The following MOK variants were observed in gnomAD, a reference collection of about 807,000 sequenced individuals.
MOK encodes the protein MOK protein kinase.
MOK carries 59 observed loss-of-function variants against 54.2 expected under a neutral mutation model. The ratio of observed to expected loss-of-function variants is 1.09; its 90% CI spans 0.88 to 1.35. The LOEUF (loss-of-function observed/expected upper bound fraction) is 1.35, where lower values mean the gene tolerates loss of function less well. Among genes scored for constraint, MOK ranks in the 40% most tolerant of loss-of-function variants. The pLI is 0.00. For synonymous variants in MOK, 210 were observed against 202.7 expected, an observed-to-expected ratio of 1.04 and a Z score of -0.31; for missense variants, 517 against 526.2, an observed-to-expected ratio of 0.98 and a Z score of 0.17.
chr14:102,276,840 T>C (rs907542440), intron 2 of MOK, among the ~76,000 whole-genome samples: 3 of 150,714 alleles, frequency 2.0e-5, no homozygotes, highest in Non-Finnish European at 3.0e-5. Flanking sequence ...ACCAGTAGAA[T>C]TTCTGTATTT....
intron 1 of MOK, among the ~76,000 whole-genome samples, chr14:102,288,143 A>T (rs1385275785): frequency 6.6e-6 from 1 of 152,172 alleles, no homozygotes; most frequent in African/African-American, 2.4e-5. Context: ...CTGAGATGTT[A>T]AACAGAGTTA....
chr14:102,281,584 G>A (rs1009967970), intron 2 of MOK, among the ~76,000 whole-genome samples: 1 of 146,746 alleles, frequency 6.8e-6, no homozygotes, highest in Non-Finnish European at 1.5e-5. Flanking sequence ...AAAGGTGGCT[G>A]TTTAAGGAAG....
chr14:102,231,990 A>G lies in MOK; in HGVS notation c.867-169T>C, dbSNP rs918121923. On this transcript the variant is annotated intron_variant, in intron 9 of 11. Transcript: ENST00000361847. The surrounding 1 kb of genome is among the most constrained non-coding windows in gnomAD (Gnocchi z 4.4). Reference sequence around the variant, plus strand: ...TTTTTTTCTTTTCTGTCTCAGCCTGACAGTCTCTGGGCCAGGAACAGAGCT... The same window carrying G: ...TTTTTTTCTTTTCTGTCTCAGCCTGGCAGTCTCTGGGCCAGGAACAGAGCT... 9.1e-6 allele frequency: 5 copies of G among 550,422 alleles called. No homozygotes were observed. In the South Asian group the frequency reaches 1.0e-4, roughly 11 times the overall value. 34.1% of individuals were successfully genotyped at this position (550,422 alleles called of 1,614,324 possible).
chr14:102,222,237 G>T (rs2063977551), downstream of MOK, among the ~76,000 whole-genome samples: 1 of 152,158 alleles, frequency 6.6e-6, no homozygotes, highest in African/African-American at 2.4e-5. This position sits in a 1 kb window ranked among gnomAD's most constrained non-coding sequence, Gnocchi z 4.4. Flanking sequence ...ACTTTGTTCT[G>T]GGGCTCCCCC....
At chr14:102,273,137 T>C (rs961327703) in intron 2 of MOK, among the ~76,000 whole-genome samples, 2 of 151,696 alleles carry the variant, frequency 1.3e-5, no homozygotes, top group African/African-American at 2.4e-5. Flanking sequence ...GCCACTGCAC[T>C]CCAGCATGGG....
In MOK at chr14:102,265,901, A is replaced by G. The variant is rs2067867403; in HGVS notation, c.134T>C (p.Val45Ala). 1 of 1,613,538 alleles carries G rather than the reference A, an allele frequency of 6.2e-7. No individual in the cohort carries two copies. The highest frequency in any genetic ancestry group is 1.7e-5 in the Admixed American group (1 of 60,008). The part of the protein sequence containing the change: ...MKQRFESIEQ[V>A]NNLREIQALR... The stretch of plus-strand genomic sequence containing the variant: ...TGCTTGGATCTCTCGTAGGTTGTTG[A>G]CTTGCTCAATACTATCGTGTAGGTA... Residue 45 changes from valine to alanine, a missense_variant, in exon 3 of 12, where the codon GTC (valine) becomes GCC (alanine). Physicochemically the swap from Val to Ala is moderately conservative, Grantham distance 64 (BLOSUM62 0). Coordinates refer to ENST00000361847, the MANE Select transcript of MOK (RefSeq NM_014226.3).
At chr14:102,252,982 A>C (rs2066647146) in intron 4 of MOK, among the ~76,000 whole-genome samples, 1 of 152,226 alleles carries the variant, frequency 6.6e-6, no homozygotes, top group African/African-American at 2.4e-5. Context: ...AACATGGTGG[A>C]GACACCGCAA....
At chr14:102,279,284 C>CGTTGTTGTTGTTGTTGTT (rs71116892) in intron 2 of MOK, among the ~76,000 whole-genome samples, 9 of 150,918 alleles carry the variant, frequency 6.0e-5, no homozygotes, top group African/African-American at 2.0e-4. Context: ...GCAAGAGAAC[C>CGTTGTTGTTGTTGTTGTT]GTTGTTGTTG....
At chr14:102,222,894 G>A (rs1205204169), downstream of MOK, 1 of 1,614,010 alleles carries the variant, frequency 6.2e-7, no homozygotes, top group Non-Finnish European at 8.5e-7. This position sits in a 1 kb window ranked among gnomAD's most constrained non-coding sequence, Gnocchi z 4.4. Context: ...CGACCTCACT[G>A]CTGCGCGCAC....
chr14:102,266,552 T>C (rs891781417), intron 2 of MOK, among the ~76,000 whole-genome samples: 5 of 152,004 alleles, frequency 3.3e-5, no homozygotes, highest in Non-Finnish European at 5.9e-5. Flanking sequence ...GCCCGGCCTC[T>C]TTCTTATCTT....
chr14:102,247,784 G>A (rs369997567), intron 7 of MOK, among the ~76,000 whole-genome samples: 15 of 152,204 alleles, frequency 9.9e-5, no homozygotes, highest in African/African-American at 2.9e-4. Flanking sequence ...GGCTTAGTAC[G>A]AGATTTTGTA....
chr14:102,305,060 A>C lies in MOK; in HGVS notation c.-92T>G, dbSNP rs1214952405. 1.6e-5 allele frequency: 24 copies of C among 1,469,594 alleles called. No homozygotes were observed. Among genetic ancestry groups the C allele is most frequent in the Admixed American group, 5.8e-5 (3 of 51,286 alleles). The allele number at this position is 1,469,594 out of a possible 1,614,324, so 91.0% of individuals were successfully genotyped here. On this transcript the variant is annotated 5_prime_UTR_variant, in exon 1 of 12. Coordinates refer to ENST00000361847, the MANE Select transcript of MOK (RefSeq NM_014226.3). ...TGTCCCCCTGCTTTCCACTTCCCTG[A>C]GGCGGGGTCCCGCACTAGGATCTCC... is the stretch of plus-strand genomic sequence containing the variant.
intron 2 of MOK, among the ~76,000 whole-genome samples, chr14:102,277,630 A>G (rs1253793611): frequency 6.6e-6 from 1 of 152,110 alleles, no homozygotes; most frequent in Non-Finnish European, 1.5e-5. Flanking sequence ...AAAAAAAAAA[A>G]AAGAGATAAA....
At position 102,269,215 on chromosome 14, in the gene MOK, C is replaced by T. The variant is rs115441664; in HGVS notation, c.123-3303G>A. Among the ~76,000 whole-genome samples the T allele has an allele frequency of 4.7e-3, 701 of 148,900 alleles. 6 individuals are homozygous for T. The highest frequency in any genetic ancestry group is 0.016 in the African/African-American group (650 of 40,454). On this transcript the variant is annotated intron_variant, in intron 2 of 11. Coordinates refer to ENST00000361847, the MANE Select transcript of MOK (RefSeq NM_014226.3). ...TTTTTTTTTTTTTTTGAGACAAAAT[C>T]TTGCTCTGTCATTCAGGCTGGAGTG...
chr14:102,227,622 C>T (rs1031007467), downstream of MOK, among the ~76,000 whole-genome samples: 14 of 152,288 alleles, frequency 9.2e-5, no homozygotes, highest in Middle Eastern at 3.4e-3. Flanking sequence ...GCCTCACTTC[C>T]GGTCTGAACA....
At chr14:102,227,335 C>A (rs891774921), downstream of MOK, among the ~76,000 whole-genome samples, 2 of 151,734 alleles carry the variant, frequency 1.3e-5, no homozygotes, top group African/African-American at 4.8e-5. Context: ...CGCCGCCCCC[C>A]CTACAGCCAT....
chr14:102,228,467 C>A (rs1013155987), downstream of MOK, among the ~76,000 whole-genome samples: 1 of 152,062 alleles, frequency 6.6e-6, no homozygotes, highest in Non-Finnish European at 1.5e-5. Flanking sequence ...GAGGCCGAGG[C>A]GGGAGGATCA....
chr14:102,224,143 G>A (rs35051837), downstream of MOK, among the ~76,000 whole-genome samples: 15,621 of 148,770 alleles, frequency 0.11, 971 homozygotes, highest in Non-Finnish European at 0.15. Context: ...CCGGGTTCAC[G>A]CCATTCTCCC....
In MOK at chr14:102,230,867, G is replaced by A. The variant is rs2064629893; in HGVS notation, c.981+840C>T. 1 of 152,436 alleles carries A rather than the reference G, an allele frequency of 6.6e-6. No homozygotes were observed. Among genetic ancestry groups the A allele is most frequent in the African/African-American group, 2.4e-5 (1 of 41,460 alleles). 9.4% of individuals were successfully genotyped at this position (152,436 alleles called of 1,614,324 possible). ...CACGTTTGGGGAAAGATCAGGAGAA[G>A]GGGTTTCAGCAAGTCTGTCTTTCGG... On this transcript the variant is annotated intron_variant, in intron 10 of 11. Coordinates refer to ENST00000361847, the MANE Select transcript of MOK (RefSeq NM_014226.3). The surrounding 1 kb of genome is among the most constrained non-coding windows in gnomAD (Gnocchi z 4.1).
Sources: allele counts gnomAD v4.1 joint callset (sites outside exome capture counted in the v4.1 genomes callset), GRCh38; gene constraint gnomAD v4.1.1; non-coding constraint Gnocchi (gnomAD v3.1); transcripts MANE v1.5; gene names NCBI Gene and HGNC (gene_info 2026-07-23, HGNC 2026-07-21).